IL34: variants seen among roughly 807,000 people sequenced by gnomAD.
IL34 encodes interleukin-34.
IL34 carries 17 observed loss-of-function variants against 25.3 expected under a neutral mutation model. The observed-to-expected ratio is 0.67, with a 90% CI of 0.46 to 1.01. The LOEUF is 1.01. Among genes scored for constraint, IL34 ranks in the 50% least tolerant of loss-of-function variants. IL34 has a pLI of 0.00. For missense variants in IL34, 368 were observed against 312.9 expected, an observed-to-expected ratio of 1.18 and a Z score of -1.33; for synonymous variants, 174 against 140.9, an observed-to-expected ratio of 1.23 and a Z score of -1.66.
intron 1 of IL34, among the ~76,000 whole-genome samples, chr16:70,609,755 A>AT (rs1191418495): frequency 6.6e-6 from 1 of 152,138 alleles, no homozygotes; most frequent in African/African-American, 2.4e-5. Flanking sequence ...AGTGAGTGAT[A>AT]TTACCCATGA....
intron 1 of IL34, among the ~76,000 whole-genome samples, chr16:70,585,475 G>GAGGTC (rs2050682172): frequency 6.6e-6 from 1 of 151,914 alleles, no homozygotes; most frequent in Non-Finnish European, 1.5e-5. Flanking sequence ...GATGGATTAC[G>GAGGTC]AGGAGATTGA....
intron 1 of IL34, among the ~76,000 whole-genome samples, chr16:70,594,212 C>CA (rs2050789594): frequency 1.3e-5 from 2 of 149,602 alleles, no homozygotes; most frequent in South Asian, 4.2e-4. Flanking sequence ...TTGGGGAGAA[C>CA]AACCATCTTA....
intron 3 of IL34, 40 bp downstream of exon 3, chr16:70,656,719 G>C (rs1368544086): frequency 9.6e-7 from 1 of 1,036,602 alleles, no homozygotes. Flanking sequence ...CCTGCCTCCT[G>C]CGACATCCGG....
chr16:70,614,056 C>T (rs898426136), intron 1 of IL34, among the ~76,000 whole-genome samples: 5 of 151,568 alleles, frequency 3.3e-5, no homozygotes, highest in Admixed American at 2.6e-4. Flanking sequence ...TGGTGGTGCA[C>T]GCCTGTAGCC....
intron 1 of IL34, among the ~76,000 whole-genome samples, chr16:70,599,358 T>A (rs1225501969): frequency 6.8e-6 from 1 of 147,564 alleles, no homozygotes; most frequent in Non-Finnish European, 1.5e-5. Flanking sequence ...TCTTTCTCTC[T>A]TTCTCTTTCT....
intron 1 of IL34, among the ~76,000 whole-genome samples, chr16:70,620,388 G>A (rs1164575511): frequency 2.6e-5 from 4 of 152,210 alleles, no homozygotes; most frequent in South Asian, 2.1e-4. Context: ...CTGGGCAGGT[G>A]GGGGAGGGCT....
intron 1 of IL34, among the ~76,000 whole-genome samples, chr16:70,616,229 G>A (rs1229360081): frequency 1.3e-5 from 2 of 152,190 alleles, no homozygotes; most frequent in Non-Finnish European, 2.9e-5. Context: ...GCATTGCTAA[G>A]TATCTGCATT....
At chr16:70,641,396 T>C (rs1283718490) in intron 1 of IL34, among the ~76,000 whole-genome samples, 1 of 152,298 alleles carries the variant, frequency 6.6e-6, no homozygotes, top group South Asian at 2.1e-4. Context: ...GGGCACTGTA[T>C]ACTTAAAGAA....
intron 1 of IL34, among the ~76,000 whole-genome samples, chr16:70,626,239 G>A (rs934275385): frequency 2.0e-5 from 3 of 152,094 alleles, no homozygotes; most frequent in Admixed American, 6.5e-5. Context: ...TCAGTTTAGT[G>A]TGTCTCTTTT....
chr16:70,649,888 T>A (rs111302976), intron 1 of IL34, among the ~76,000 whole-genome samples: 31 of 152,344 alleles, frequency 2.0e-4, no homozygotes, highest in African/African-American at 7.5e-4. Context: ...ATCCTCTGCC[T>A]CTTGGGTTCA....
intron 1 of IL34, among the ~76,000 whole-genome samples, chr16:70,607,791 GTC>G (rs1431774527): frequency 6.6e-6 from 1 of 151,670 alleles, no homozygotes; most frequent in Non-Finnish European, 1.5e-5. Context: ...TTGAGACAGA[GTC>G]TTGCTCTGTT....
At position 70,653,479 on chromosome 16, in the gene IL34, G is replaced by T. The variant is rs144775738; in HGVS notation, c.29-1059G>T. 3.0e-3 allele frequency among the ~76,000 whole-genome samples: 464 copies of T among 152,146 alleles called. 7 individuals carry two copies. The highest frequency in any genetic ancestry group is 0.02 in the East Asian group (105 of 5,168). On this transcript the variant is annotated intron_variant, in intron 1 of 5. Transcript: ENST00000288098. ...TTTGGGAGGCTGAGGCAGGAGAATTGCTTGAGCTCAGGAGTTCGAGGCAAG... is the reference window on the plus strand; with the variant it reads ...TTTGGGAGGCTGAGGCAGGAGAATTTCTTGAGCTCAGGAGTTCGAGGCAAG...
chr16:70,639,091 G>A (rs987013427), intron 1 of IL34, among the ~76,000 whole-genome samples: 6 of 152,172 alleles, frequency 3.9e-5, no homozygotes, highest in Non-Finnish European at 8.8e-5. Context: ...TATTTCACCT[G>A]AGAACACTCC....
chr16:70,601,761 T>C (rs752620497), intron 1 of IL34, among the ~76,000 whole-genome samples: 1 of 152,140 alleles, frequency 6.6e-6, no homozygotes, highest in Non-Finnish European at 1.5e-5. Flanking sequence ...CCAGGTGGGA[T>C]GGGGACAGAG....
intron 1 of IL34, among the ~76,000 whole-genome samples, chr16:70,634,658 C>T (rs760231331): frequency 4.7e-5 from 7 of 150,024 alleles, no homozygotes; most frequent in Admixed American, 1.3e-4. Context: ...CCAGCCTGGG[C>T]GACAGAGCGA....
chr16:70,621,308 G>A (rs1042680322), intron 1 of IL34, among the ~76,000 whole-genome samples: 5 of 152,134 alleles, frequency 3.3e-5, no homozygotes, highest in Admixed American at 1.3e-4. Context: ...GACTGGCACC[G>A]GAGTTTTGGG....
intron 1 of IL34, among the ~76,000 whole-genome samples, chr16:70,648,588 AAG>A (rs1040973508): frequency 6.6e-6 from 1 of 150,706 alleles, no homozygotes; most frequent in Admixed American, 6.6e-5. Context: ...AGAAAAGAAA[AAG>A]AGAGAAAGAA....
intron 1 of IL34, among the ~76,000 whole-genome samples, chr16:70,599,459 C>T (rs1245224751): frequency 2.6e-5 from 4 of 151,496 alleles, no homozygotes; most frequent in South Asian, 2.1e-4. Context: ...CGGGTTCAAG[C>T]GATTCTCCTG....
intron 4 of IL34, among the ~76,000 whole-genome samples, chr16:70,658,210 A>G (rs1372073674): frequency 1.3e-5 from 2 of 152,252 alleles, no homozygotes; most frequent in African/African-American, 2.4e-5. Flanking sequence ...CTTAGGGACT[A>G]GCACCTGTTT....
Sources: gnomAD v4.1 joint callset for allele counts (sites outside exome capture counted in the v4.1 genomes callset) on GRCh38, gnomAD v4.1.1 for gene constraint, MANE v1.5 for transcripts, NCBI Gene and HGNC (gene_info 2026-07-23, HGNC 2026-07-21) for gene names.